The following CSMD1 variants were observed in gnomAD, a reference collection of about 807,000 sequenced individuals.
CSMD1 encodes CUB and sushi domain-containing protein 1.
Under a neutral mutation model 417.5 loss-of-function variants are expected in CSMD1, and 213 were observed. The ratio of observed to expected loss-of-function variants is 0.51; its 90% confidence interval spans 0.46 to 0.57. CSMD1 has a LOEUF of 0.57. Ranked by LOEUF, CSMD1 falls within the 20% of genes least tolerant of loss-of-function variation. The pLI, the probability that CSMD1 is intolerant of heterozygous loss-of-function variation, is 0.00. For missense variants in CSMD1, 6,923 were observed against 4,529.7 expected (o/e 1.53, Z -15.17); for synonymous variants, 2,862 against 1,736.8 (o/e 1.65, Z -16.11).
chr8:4,609,539 T>A (rs1047876600), intron 2 of CSMD1, among the ~76,000 whole-genome samples: 44 of 152,238 alleles, frequency 2.9e-4, no homozygotes, highest in African/African-American at 1.0e-3. Context: ...CTTTCTTTAT[T>A]GTACTAAACA....
chr8:4,108,654 C>G (rs940577206), intron 3 of CSMD1, among the ~76,000 whole-genome samples: 1 of 152,206 alleles, frequency 6.6e-6, no homozygotes, highest in Non-Finnish European at 1.5e-5. Flanking sequence ...TGCCACCTGA[C>G]ACTTTCGACA....
chr8:4,199,281 CA>C (rs1184250136), intron 3 of CSMD1, among the ~76,000 whole-genome samples: 1 of 152,160 alleles, frequency 6.6e-6, no homozygotes. Flanking sequence ...CTGCTATGGT[CA>C]TTGATATGCA....
At chr8:4,885,409 C>T (rs1334771769) in intron 1 of CSMD1, among the ~76,000 whole-genome samples, 1 of 152,000 alleles carries the variant, frequency 6.6e-6, no homozygotes, top group African/African-American at 2.4e-5. Flanking sequence ...ATGTCTTGTT[C>T]CTGATCTTAG....
intron 3 of CSMD1, among the ~76,000 whole-genome samples, chr8:4,143,134 A>C (rs972758732): frequency 9.3e-6 from 1 of 107,088 alleles, no homozygotes; most frequent in Non-Finnish European, 2.1e-5. Context: ...TGGAATTAGC[A>C]TTTCTAGAGA....
chr8:2,977,700 C>CAA (rs1805052027), intron 55 of CSMD1, among the ~76,000 whole-genome samples: 4 of 152,072 alleles, frequency 2.6e-5, no homozygotes, highest in Non-Finnish European at 5.9e-5. Context: ...GTCTAATATC[C>CAA]AGAATCTACA....
At chr8:3,761,907 C>T (rs866851065) in intron 5 of CSMD1, among the ~76,000 whole-genome samples, 1 of 152,120 alleles carries the variant, frequency 6.6e-6, no homozygotes, top group Non-Finnish European at 1.5e-5. Flanking sequence ...TTTTCTCCCT[C>T]TGGCTCTCTT....
At chr8:3,734,794 G>A (rs1796441694) in intron 6 of CSMD1, among the ~76,000 whole-genome samples, 2 of 152,202 alleles carry the variant, frequency 1.3e-5, no homozygotes, top group African/African-American at 4.8e-5. Context: ...CTCTGCAACT[G>A]GGTGCTGAGG....
intron 5 of CSMD1, among the ~76,000 whole-genome samples, chr8:3,853,872 T>TA (rs1563146965): frequency 2.7e-5 from 4 of 147,222 alleles, no homozygotes; most frequent in African/African-American, 7.4e-5. Context: ...TATATTATAC[T>TA]TTAATATATT....
At chr8:4,953,051 G>A (rs1254785804) in intron 1 of CSMD1, among the ~76,000 whole-genome samples, 1 of 104,054 alleles carries the variant, frequency 9.6e-6, no homozygotes, top group South Asian at 3.3e-4. Flanking sequence ...TAATACGTGA[G>A]CAGATGTTAA....
intron 1 of CSMD1, among the ~76,000 whole-genome samples, chr8:4,830,782 A>T (rs781724959): frequency 6.6e-6 from 1 of 152,196 alleles, no homozygotes; most frequent in Non-Finnish European, 1.5e-5. Context: ...GTCATTCCAG[A>T]GTCAAGTGCA....
chr8:3,496,034 G>C (rs916805378), intron 10 of CSMD1, among the ~76,000 whole-genome samples: 1 of 152,104 alleles, frequency 6.6e-6, no homozygotes. Context: ...GCATGCATTA[G>C]CTCTTTTCCC....
chr8:4,366,027 C>A (rs1356013440), intron 3 of CSMD1, among the ~76,000 whole-genome samples: 2 of 152,054 alleles, frequency 1.3e-5, no homozygotes, highest in African/African-American at 2.4e-5. Context: ...GCCTGTCGCC[C>A]AGGTAGTGAG....
At chr8:4,387,431 A>G (rs1005020993) in intron 3 of CSMD1, among the ~76,000 whole-genome samples, 1 of 151,752 alleles carries the variant, frequency 6.6e-6, no homozygotes, top group Non-Finnish European at 1.5e-5. Flanking sequence ...TCAAAGCATT[A>G]TGTCAAGATA....
intron 5 of CSMD1, among the ~76,000 whole-genome samples, chr8:3,787,336 C>T (rs1006078366): frequency 4.6e-5 from 7 of 152,004 alleles, no homozygotes; most frequent in Admixed American, 2.0e-4. Flanking sequence ...ATAGAGAAAA[C>T]AGTTCAATGT....
chr8:4,455,311 A>G (rs983612739), intron 2 of CSMD1, among the ~76,000 whole-genome samples: 2 of 152,210 alleles, frequency 1.3e-5, no homozygotes, highest in Non-Finnish European at 2.9e-5. Context: ...CCATTAGCAA[A>G]GAAGATGATC....
chr8:3,718,664 G>C (rs955760369), intron 6 of CSMD1, among the ~76,000 whole-genome samples: 1 of 152,182 alleles, frequency 6.6e-6, no homozygotes, highest in Non-Finnish European at 1.5e-5. Flanking sequence ...GCGTGAGAAT[G>C]TCCACAAAAC....
At chr8:3,806,386 G>A (rs1436441143) in intron 5 of CSMD1, among the ~76,000 whole-genome samples, 4 of 152,284 alleles carry the variant, frequency 2.6e-5, no homozygotes, top group African/African-American at 9.6e-5. Context: ...TGAAGCCTGT[G>A]GGACACAAAA....
chr8:4,201,408 G>A (rs1335596709), intron 3 of CSMD1, among the ~76,000 whole-genome samples: 3 of 151,572 alleles, frequency 2.0e-5, no homozygotes, highest in African/African-American at 7.3e-5. Flanking sequence ...GGTGGCGCTG[G>A]GCGCCTGTAG....
intron 1 of CSMD1, among the ~76,000 whole-genome samples, chr8:4,677,093 TATA>T (rs916872134): frequency 3.4e-5 from 5 of 147,332 alleles, no homozygotes; most frequent in African/African-American, 7.4e-5. Context: ...GGATATATAT[TATA>T]ATATCTATCA....
Sources: allele counts gnomAD v4.1 joint callset (sites outside exome capture counted in the v4.1 genomes callset), GRCh38; gene constraint gnomAD v4.1.1; transcripts MANE v1.5; gene names NCBI Gene and HGNC (gene_info 2026-07-23, HGNC 2026-07-21).